LZTR1: variants seen among roughly 807,000 people sequenced by gnomAD.
LZTR1 encodes the protein leucine zipper like post translational regulator 1.
In LZTR1, 260 loss-of-function variants were observed where a neutral mutation model predicts 105.7. That is an observed-to-expected ratio of 2.46 (90% CI 2.22 to 2.72). LZTR1 has a LOEUF of 2.72. LZTR1 is among the 30% of genes most tolerant of loss of function. The probability of loss-of-function intolerance (pLI) is 0.00; values close to 1 mark genes in which losing one functional copy is unlikely to be tolerated. For missense variants in LZTR1, 1,214 were observed against 1,166.9 expected, an observed-to-expected ratio of 1.04 and a Z score of -0.59; for synonymous variants, 490 against 476.4, an observed-to-expected ratio of 1.03 and a Z score of -0.37.
Position 20,985,297 on chromosome 22 carries a change from T to C in LZTR1, c.264-544T>C, listed in dbSNP as rs1194759724. Among the ~76,000 whole-genome samples, 4 of 151,976 alleles carry C rather than the reference T, an allele frequency of 2.6e-5. No individual in the cohort carries two copies. The East Asian group carries it at 5.8e-4, about 22-fold the overall frequency. On this transcript the variant is annotated intron_variant, in intron 2 of 20. Coordinates refer to ENST00000646124, the MANE Select transcript of LZTR1 (RefSeq NM_006767.4). Reference sequence around the variant, plus strand: ...CTGGTCTCAATCTCCTGACCTCAAGTGATCCGCCCGCCTAGGCTTCCCAAA... The same window carrying C: ...CTGGTCTCAATCTCCTGACCTCAAGCGATCCGCCCGCCTAGGCTTCCCAAA...
chr22:20,985,408 A>C (rs749115571), intron 2 of LZTR1, among the ~76,000 whole-genome samples: 8 of 151,350 alleles, frequency 5.3e-5, no homozygotes, highest in Non-Finnish European at 1.2e-4. Context: ...GATCAGAGAG[A>C]AGCAAAGGGC....
Position 20,996,018 on chromosome 22 carries a change from TC to T in LZTR1, c.2127del (p.Ile710SerfsTer57), listed in dbSNP as rs1188943579. 1.2e-6 allele frequency: 2 copies of T among 1,613,612 alleles called. No homozygotes were observed. The highest frequency in any genetic ancestry group is 1.7e-6 in the Non-Finnish European group (2 of 1,180,008). Reference sequence around the variant, plus strand: ...GCCCGAAGATGGGCAGGTGAACATCTCCATCGGGGAGATGGTGCCCAGCAGG... The same window carrying T: ...GCCCGAAGATGGGCAGGTGAACATCTCATCGGGGAGATGGTGCCCAGCAGG... ...FMPEDGQVNI[S>X]IGEMVPSRQA... is the part of the protein sequence containing the mutation. On this transcript the variant is annotated frameshift_variant, in exon 18 of 21. Transcript: ENST00000646124. LOFTEE classifies it high-confidence loss of function.
At position 20,994,188 on chromosome 22, in the gene LZTR1, G is replaced by C; in HGVS notation, c.1534G>C (p.Ala512Pro). Residue 512 changes from alanine to proline, a missense_variant, in exon 14 of 21, where the codon GCC (alanine) becomes CCC (proline). Physicochemically the swap from Ala to Pro is conservative, Grantham distance 27. Coordinates refer to ENST00000646124, the MANE Select transcript of LZTR1 (RefSeq NM_006767.4). ...GGCCCGGCCGCCCCTGCTGCACGTG[G>C]CCATCCGGGAGGCCGAGGCCCGGCC... Reference protein sequence around the residue: ...GGARPPLLHVAIREAEARPFE... With the variant: ...GGARPPLLHVPIREAEARPFE... The C allele has an allele frequency of 6.2e-7, 1 of 1,603,196 alleles. No individual in the cohort carries two copies. Among genetic ancestry groups the C allele is most frequent in the Non-Finnish European group, 8.5e-7 (1 of 1,177,910 alleles).
rs997204496 is a variant in LZTR1, at chr22:20,993,811, C to T, written c.1353+57C>T. The stretch of plus-strand genomic sequence containing the variant: ...TGCTGTGCCTGGGCAGTGGGAATTT[C>T]GCCCCTCAGAAAAACAGCTGCTGGC... On this transcript the variant is annotated intron_variant, in intron 12 of 20. Transcript: ENST00000646124. The T allele has an allele frequency of 8.2e-6, 13 of 1,575,798 alleles. No homozygotes were observed. The African/African-American group carries it at 9.4e-5, about 11-fold the overall frequency.
At chr22:20,992,978 G>C (rs1320871416) in intron 11 of LZTR1, 74 bp downstream of exon 11, 8 of 1,056,138 alleles carry the variant, frequency 7.6e-6, no homozygotes, top group Non-Finnish European at 1.1e-5. Context: ...GGCCAAGTTG[G>C]GGGGCAGGGC....
Position 20,995,790 on chromosome 22 carries a change from G to T in LZTR1, c.1987G>T (p.Gly663Cys), listed in dbSNP as rs748059089. 1 of 1,613,592 alleles carries T rather than the reference G, an allele frequency of 6.2e-7. No homozygotes were observed. Among genetic ancestry groups the T allele is most frequent in the East Asian group, 2.2e-5 (1 of 44,860 alleles). Residue 663 changes from glycine to cysteine, a missense_variant, in exon 17 of 21, where the codon GGC becomes TGC. Physicochemically the swap from Gly to Cys is radical, Grantham distance 159. Transcript: ENST00000646124. ...CATGAAGGCATACCTGGAGGGAGCG[G>T]GCGCGGAATTCTGTGACATCACTCT... ...QDMKAYLEGA[G>C]AEFCDITLLL...
At chr22:20,988,674 C>G (rs528989818) in intron 5 of LZTR1, 115 bp from the exon 6 acceptor site, 2 of 728,226 alleles carry the variant, frequency 2.7e-6, no homozygotes, top group African/African-American at 1.7e-5. Flanking sequence ...GCCCCAGTGT[C>G]GGGTGGATGT....
chr22:20,996,395 C>T, intron 18 of LZTR1: 2 of 593,848 alleles, frequency 3.4e-6, no homozygotes, highest in Non-Finnish European at 6.0e-6. Context: ...TGAGCACAGA[C>T]ATGGAGGTAC....
chr22:20,994,493 C>A, intron 14 of LZTR1, 65 bp from the exon 15 acceptor site: 1 of 1,527,058 alleles, frequency 6.5e-7, no homozygotes, highest in Non-Finnish European at 8.9e-7. Context: ...ATGGGGGGAG[C>A]CCTGCGCCCT....
At chr22:20,983,397 G>A (rs1414116557) in intron 2 of LZTR1, among the ~76,000 whole-genome samples, 1 of 152,216 alleles carries the variant, frequency 6.6e-6, no homozygotes, top group Non-Finnish European at 1.5e-5. Context: ...AGCCCTGCCA[G>A]GCACTTTTCT....
rs748007750 is a variant in LZTR1 at position 20,995,750 on chromosome 22, A to G, written c.1947A>G (p.Thr649=). 2 of 1,613,554 alleles carry G rather than the reference A, an allele frequency of 1.2e-6. No homozygotes were observed. The highest frequency in any genetic ancestry group is 1.7e-6 in the Non-Finnish European group (2 of 1,179,998). Reference sequence around the variant, plus strand: ...CAGGGACCCTCCTACCCCCAGGCACATCTCTGATCCAGGACATGAAGGCAT... The same window carrying G: ...CAGGGACCCTCCTACCCCCAGGCACGTCTCTGATCCAGGACATGAAGGCAT... ...TPLDQPVDIG[T]SLIQDMKAYL... Residue 649 remains threonine, a synonymous_variant, in exon 17 of 21, where the codon ACA becomes ACG. Coordinates refer to ENST00000646124, the MANE Select transcript of LZTR1 (RefSeq NM_006767.4).
At position 20,987,583 on chromosome 22, in the gene LZTR1, G is replaced by C. The variant is rs1440693988; in HGVS notation, c.400G>C (p.Gly134Arg). 1.9e-6 allele frequency: 3 copies of C among 1,614,034 alleles called. No homozygotes were observed. Among genetic ancestry groups the C allele is most frequent in the South Asian group, 1.1e-5 (1 of 91,076 alleles). The change falls in exon 4 of 21, where the codon GGG (glycine) becomes CGG (arginine). Residue 134 changes from glycine (G) to arginine (R), a missense_variant and splice_region_variant. Coordinates refer to ENST00000646124, the MANE Select transcript of LZTR1 (RefSeq NM_006767.4). ...VVYGSSMFVF[G>R]GYTGDIYSNS... ...CTATGGGAGCAGCATGTTTGTCTTT[G>C]GTAAGCAGCCTCTTGCCTCCCAGGG...
At chr22:20,987,643 C>T in intron 4 of LZTR1, 60 bp downstream of exon 4, 7 of 1,445,492 alleles carry the variant, frequency 4.8e-6, no homozygotes, top group Non-Finnish European at 6.8e-6. Context: ...ACACCCTGCC[C>T]TTCTGCAGGC....
chr22:20,997,294 C>T lies in LZTR1; in HGVS notation c.2469C>T (p.Ser823=). The T allele has an allele frequency of 6.2e-7, 1 of 1,613,854 alleles. No homozygotes were observed. The highest frequency in any genetic ancestry group is 1.1e-5 in the South Asian group (1 of 91,084). Residue 823 remains serine, a synonymous_variant, in exon 21 of 21, where the codon TCC becomes TCT. Transcript: ENST00000646124. ...AGCTGCTGCTGGACATCATAGACTC[C>T]CTGGCCTCCCACATCTCAGACAAGC... ...SQQLLLDIID[S]LASHISDKQC...
Position 20,994,908 on chromosome 22 carries a change from C to G in LZTR1, c.1824C>G (p.Phe608Leu). 1 of 1,613,444 alleles carries G rather than the reference C, an allele frequency of 6.2e-7. No individual in the cohort carries two copies. Among genetic ancestry groups the G allele is most frequent in the Non-Finnish European group, 8.5e-7 (1 of 1,180,008 alleles). ...CLNFVVKESH[F>L]NQVIMMKEFE... ...ACTTCGTGGTAAAGGAGTCCCACTTCAACCAGGTGATCATGATGAAGGAGT... is the reference window on the plus strand; with the variant it reads ...ACTTCGTGGTAAAGGAGTCCCACTTGAACCAGGTGATCATGATGAAGGAGT... Residue 608 changes from phenylalanine to leucine, a missense_variant, in exon 16 of 21, where the codon TTC becomes TTG. Transcript: ENST00000646124.
In LZTR1 at chr22:20,993,706, G is replaced by C. The variant is rs1409097629; in HGVS notation, c.1305G>C (p.Arg435=). 2 of 1,613,522 alleles carry C rather than the reference G, an allele frequency of 1.2e-6. No homozygotes were observed. The highest frequency in any genetic ancestry group is 1.7e-6 in the Non-Finnish European group (2 of 1,179,940). The change falls in exon 12 of 21, where the codon CGG becomes CGC. Residue 435 remains arginine (R), a synonymous_variant. Transcript: ENST00000646124. ...GCACGCTGCACGAGGACTACGGGCG[G>C]CTGTGGGAGAGCCGCCAGTTCTGCG... ...PKCTLHEDYG[R]LWESRQFCDV...
intron 17 of LZTR1, 27 bp downstream of exon 17, chr22:20,995,899 G>A (rs1189586306): frequency 6.2e-7 from 1 of 1,612,938 alleles, no homozygotes; most frequent in Admixed American, 1.7e-5. Flanking sequence ...CAGGAGGGGA[G>A]GGTGGGCCTG....
chr22:20,990,603 G>C, intron 8 of LZTR1, 78 bp downstream of exon 8: 1 of 1,434,376 alleles, frequency 7.0e-7, no homozygotes, highest in Non-Finnish European at 9.6e-7. Context: ...AACGCCTCTT[G>C]CACCTGGTGG....
In LZTR1 at chr22:20,995,045, C is replaced by T; in HGVS notation, c.1942+19C>T. On this transcript the variant is annotated intron_variant, in intron 16 of 20. Coordinates refer to ENST00000646124, the MANE Select transcript of LZTR1 (RefSeq NM_006767.4). ...GACATTGGTAGGGAGCCCCGTTCCCCTTCCCTGGGGGCTGGGAGGGATGGT... is the reference window on the plus strand; with the variant it reads ...GACATTGGTAGGGAGCCCCGTTCCCTTTCCCTGGGGGCTGGGAGGGATGGT... The T allele has an allele frequency of 6.3e-7, 1 of 1,596,224 alleles. No homozygotes were observed. Among genetic ancestry groups the T allele is most frequent in the South Asian group, 1.1e-5 (1 of 89,834 alleles).
Sources: allele counts gnomAD v4.1 joint callset (sites outside exome capture counted in the v4.1 genomes callset), GRCh38; gene constraint gnomAD v4.1.1; transcripts MANE v1.5; gene names NCBI Gene and HGNC (gene_info 2026-07-23, HGNC 2026-07-21).